RFC3: variants seen among roughly 807,000 people sequenced by gnomAD.
RFC3 encodes A1 38 kDa subunit.
Under a neutral mutation model 45.1 loss-of-function variants are expected in RFC3, and 41 were observed. The ratio of observed to expected loss-of-function variants is 0.91; its 90% confidence interval spans 0.71 to 1.18. The LOEUF (loss-of-function observed/expected upper bound fraction) is 1.18, where lower values mean the gene tolerates loss of function less well. Among genes scored for constraint, RFC3 ranks in the 50% most tolerant of loss-of-function variants. The pLI is 0.00. For synonymous variants in RFC3, 149 were observed against 144.0 expected, an observed-to-expected ratio of 1.03 and a Z score of -0.25; for missense variants, 423 against 428.1, an observed-to-expected ratio of 0.99 and a Z score of 0.10.
intron 8 of RFC3, among the ~76,000 whole-genome samples, chr13:33,912,937 T>C (rs537828680): frequency 6.6e-6 from 1 of 152,012 alleles, no homozygotes; most frequent in Non-Finnish European, 1.5e-5. Context: ...AGAGAAATCA[T>C]AGATAAATTG....
intron 8 of RFC3, among the ~76,000 whole-genome samples, chr13:33,940,569 T>C (rs1160956876): frequency 6.6e-6 from 1 of 152,236 alleles, no homozygotes; most frequent in East Asian, 1.9e-4. Context: ...GCTGTTGTCA[T>C]AGCCATTATC....
intron 8 of RFC3, among the ~76,000 whole-genome samples, chr13:33,860,756 T>C (rs1275271297): frequency 6.6e-6 from 1 of 152,184 alleles, no homozygotes; most frequent in African/African-American, 2.4e-5. Context: ...AAGGTTACTT[T>C]GGCAACCGCC....
At chr13:33,896,976 G>T (rs545845237) in intron 8 of RFC3, among the ~76,000 whole-genome samples, 2 of 151,776 alleles carry the variant, frequency 1.3e-5, no homozygotes, top group African/African-American at 4.8e-5. Flanking sequence ...TATCTTAAAA[G>T]AAATTATAAG....
At chr13:33,840,692 GT>G (rs1035259423), downstream of RFC3, among the ~76,000 whole-genome samples, 1 of 114,098 alleles carries the variant, frequency 8.8e-6, no homozygotes, top group East Asian at 2.4e-4. Context: ...TTTATACGTA[GT>G]TTTTTTTTCA....
At chr13:33,848,466 A>G (rs542646479) in intron 8 of RFC3, 12 of 152,296 alleles carry the variant, frequency 7.9e-5, no homozygotes, top group African/African-American at 2.4e-4. Context: ...AGCCATTTCA[A>G]TTTTGGTTTA....
At chr13:33,971,454 T>A (rs546391289), downstream of RFC3, among the ~76,000 whole-genome samples, 3 of 152,404 alleles carry the variant, frequency 2.0e-5, no homozygotes, top group East Asian at 5.8e-4. Context: ...TCAATTGTTC[T>A]ACAGCAAGAG....
rs1041101220 is a variant in RFC3, at chr13:33,878,677, A to G, written c.879+43460A>G. On this transcript the variant is annotated intron_variant, in intron 8 of 8. Coordinates refer to the RFC3 transcript ENST00000434425. The stretch of plus-strand genomic sequence containing the variant: ...CAAGGCTCTGAGAGTGTGAGAGTGC[A>G]CACAGGATGTTCAGAGCTGTTGGCA... Among the ~76,000 whole-genome samples the G allele has an allele frequency of 6.9e-4, 105 of 152,288 alleles. 1 individual carries two copies. The highest frequency in any genetic ancestry group is 2.4e-3 in the African/African-American group (100 of 41,552).
chr13:33,857,498 A>G (rs2082315261), intron 8 of RFC3, among the ~76,000 whole-genome samples: 1 of 152,224 alleles, frequency 6.6e-6, no homozygotes, highest in African/African-American at 2.4e-5. Context: ...TGCTCTCCCA[A>G]GGCAATCAGC....
In RFC3 at chr13:33,830,035, T is replaced by A. The variant is rs1208646842; in HGVS notation, c.573+18T>A. ...TTGAAGATGTAGGTCAAGTTACACT[T>A]TTCTGAAAAATAAATCAGTTCAGAT... On this transcript the variant is annotated intron_variant, in intron 5 of 8. Transcript: ENST00000380071. 6.2e-7 allele frequency: 1 copy of A among 1,606,320 alleles called. No homozygotes were observed. Among genetic ancestry groups the A allele is most frequent in the South Asian group, 1.1e-5 (1 of 90,496 alleles).
chr13:33,874,104 C>T (rs991326469), intron 8 of RFC3, among the ~76,000 whole-genome samples: 2 of 152,148 alleles, frequency 1.3e-5, no homozygotes, highest in African/African-American at 4.8e-5. Flanking sequence ...CGCCATCATC[C>T]TCTTCTGGAC....
intron 8 of RFC3, among the ~76,000 whole-genome samples, chr13:33,946,737 T>A (rs1041449685): frequency 1.3e-5 from 2 of 152,210 alleles, no homozygotes; most frequent in Non-Finnish European, 2.9e-5. Flanking sequence ...GATGTGTAGT[T>A]GGAAAAGGGA....
chr13:33,916,722 A>AT (rs1212524877), intron 8 of RFC3, among the ~76,000 whole-genome samples: 4 of 150,902 alleles, frequency 2.7e-5, no homozygotes, highest in African/African-American at 7.5e-5. Flanking sequence ...GCATGTTTAT[A>AT]TGCATATACA....
intron 8 of RFC3, among the ~76,000 whole-genome samples, chr13:33,938,184 C>CAAAAAAAAAAAAAAAAAAA (rs34685731): frequency 2.8e-5 from 2 of 70,782 alleles, no homozygotes; most frequent in African/African-American, 1.2e-4. Flanking sequence ...AGTCCAACTG[C>CAAAAAAAAAAAAAAAAAAA]AAAAAAAAAA....
intron 8 of RFC3, among the ~76,000 whole-genome samples, chr13:33,953,839 G>A (rs912771050): frequency 6.6e-6 from 1 of 152,112 alleles, no homozygotes; most frequent in African/African-American, 2.4e-5. Flanking sequence ...AAATTTTAAA[G>A]AAGCATAAAA....
intron 8 of RFC3, among the ~76,000 whole-genome samples, chr13:33,886,903 C>A (rs1421508946): frequency 2.0e-5 from 3 of 149,150 alleles, no homozygotes; most frequent in South Asian, 2.1e-4. Context: ...TTTGTTCTTG[C>A]GATAGTTTAC....
intron 8 of RFC3, among the ~76,000 whole-genome samples, chr13:33,942,527 A>G (rs1031711473): frequency 6.6e-6 from 1 of 152,176 alleles, no homozygotes; most frequent in Non-Finnish European, 1.5e-5. Context: ...GAGTTTCAAC[A>G]TCAATGGCAG....
chr13:33,834,111 G>T (rs1177729039), intron 7 of RFC3, among the ~76,000 whole-genome samples: 2 of 148,986 alleles, frequency 1.3e-5, no homozygotes, highest in Non-Finnish European at 1.5e-5. Flanking sequence ...TAAATTATTT[G>T]TTTCAATTCT....
the RFC3 span, among the ~76,000 whole-genome samples, chr13:33,974,885 A>G: frequency 6.6e-6 from 1 of 152,158 alleles, no homozygotes; most frequent in Non-Finnish European, 1.5e-5. Flanking sequence ...CAACAACAAA[A>G]CCCTGATAAT....
chr13:33,931,880 G>A (rs2082854918), intron 8 of RFC3, among the ~76,000 whole-genome samples: 1 of 151,938 alleles, frequency 6.6e-6, no homozygotes, highest in African/African-American at 2.4e-5. Flanking sequence ...TCTGTGAGGT[G>A]ATGATTAAAA....
Sources: allele counts gnomAD v4.1 joint callset (sites outside exome capture counted in the v4.1 genomes callset), GRCh38; gene constraint gnomAD v4.1.1; transcripts MANE v1.5; gene names NCBI Gene and HGNC (gene_info 2026-07-23, HGNC 2026-07-21).